Variants in IFNAR1 observed in about 807,000 individuals in gnomAD.
The protein encoded by IFNAR1 is interferon alpha/beta receptor 1.
Under a neutral mutation model 62.1 loss-of-function variants are expected in IFNAR1, and 47 were observed. That is an observed-to-expected ratio of 0.76 (90% CI 0.60 to 0.97). The LOEUF (loss-of-function observed/expected upper bound fraction) is 0.97, where lower values mean the gene tolerates loss of function less well. Among genes scored for constraint, IFNAR1 ranks in the 50% least tolerant of loss-of-function variants. IFNAR1 has a pLI of 0.00. For missense variants in IFNAR1, 638 were observed against 654.5 expected (o/e 0.97, Z 0.27); for synonymous variants, 219 against 226.9 (o/e 0.97, Z 0.31).
intron 1 of IFNAR1, among the ~76,000 whole-genome samples, chr21:33,331,914 TGCCAGGAAGCACCTCCA>T (rs2123659831): frequency 6.6e-6 from 1 of 152,288 alleles, no homozygotes; most frequent in Admixed American, 6.5e-5. Context: ...GGGCCTAAGC[TGCCAGGAAGCACCTCCA>T]GGTCACAAAT....
intron 2 of IFNAR1, among the ~76,000 whole-genome samples, chr21:33,337,750 A>T (rs2083255545): frequency 6.6e-6 from 1 of 152,110 alleles, no homozygotes; most frequent in South Asian, 2.1e-4. Context: ...ATACATACAT[A>T]TACACACTAT....
intron 1 of IFNAR1, among the ~76,000 whole-genome samples, chr21:33,328,544 A>G (rs1194965864): frequency 6.6e-6 from 1 of 152,220 alleles, no homozygotes; most frequent in Non-Finnish European, 1.5e-5. Flanking sequence ...TGAAAACTCA[A>G]GACCTTAAGT....
chr21:33,336,504 C>T (rs1309117139), intron 2 of IFNAR1, among the ~76,000 whole-genome samples: 1 of 150,674 alleles, frequency 6.6e-6, no homozygotes, highest in Admixed American at 6.6e-5. Context: ...GCCACACTGA[C>T]TTCCACAATG....
chr21:33,330,287 A>G (rs1212405000), intron 1 of IFNAR1, among the ~76,000 whole-genome samples: 1 of 152,162 alleles, frequency 6.6e-6, no homozygotes, highest in African/African-American at 2.4e-5. Context: ...ACTCATTGTT[A>G]CAACCCCCTC....
intron 2 of IFNAR1, 87 bp downstream of exon 2, chr21:33,335,734 T>G (rs1261944828): frequency 1.7e-6 from 2 of 1,150,800 alleles, no homozygotes; most frequent in Non-Finnish European, 1.2e-6. Context: ...ATTTGGAAAG[T>G]GTTTGGTTTT....
intron 2 of IFNAR1, among the ~76,000 whole-genome samples, chr21:33,336,515 G>GAA: frequency 6.6e-6 from 1 of 150,950 alleles, no homozygotes; most frequent in East Asian, 2.0e-4. Flanking sequence ...TTCCACAATG[G>GAA]TTGAACTAGT....
chr21:33,357,423 A>G lies in IFNAR1; in HGVS notation c.*1874A>G, dbSNP rs1010786770. Reference sequence around the variant, plus strand: ...GCCGCCTGGCTTCTGGAGTGCTTCAAGCAGAGCATGGTGGGTCATTGAGGA... The same window carrying G: ...GCCGCCTGGCTTCTGGAGTGCTTCAGGCAGAGCATGGTGGGTCATTGAGGA... On this transcript the variant is annotated 3_prime_UTR_variant, in exon 11 of 11. Transcript: ENST00000270139. The G allele has an allele frequency of 2.0e-5, 3 of 152,220 alleles. No homozygotes were observed. In the East Asian group the frequency reaches 5.8e-4, roughly 29 times the overall value. 9.4% of individuals were successfully genotyped at this position (152,220 alleles called of 1,614,324 possible).
Position 33,343,264 on chromosome 21 carries a change from G to C in IFNAR1, c.377-4G>C, listed in dbSNP as rs746931314. The stretch of plus-strand genomic sequence containing the variant: ...CCATAGTAATTGTTTTGATTTTTTT[G>C]CAGCTCAGATTGGTCCTCCAGAAGT... On this transcript the variant is annotated splice_region_variant and splice_polypyrimidine_tract_variant and intron_variant, in intron 3 of 10. Transcript: ENST00000270139. 1 of 1,604,022 alleles carries C rather than the reference G, an allele frequency of 6.2e-7. No homozygotes were observed. The highest frequency in any genetic ancestry group is 1.1e-5 in the South Asian group (1 of 88,956).
At position 33,341,049 on chromosome 21, in the gene IFNAR1, G is replaced by T. The variant is rs763681795; in HGVS notation, c.251G>T (p.Ser84Ile). The part of the protein sequence containing the change: ...IKLSGCQNIT[S>I]TKCNFSSLKL... Reference sequence around the variant, plus strand: ...TTGTCTGGGTGTCAGAATATTACTAGTACCAAATGCAACTTTTCTTCACTC... The same window carrying T: ...TTGTCTGGGTGTCAGAATATTACTATTACCAAATGCAACTTTTCTTCACTC... Residue 84 changes from serine (S) to isoleucine (I), a missense_variant, in exon 3 of 11, where the codon AGT becomes ATT. Transcript: ENST00000270139. 6.2e-7 allele frequency: 1 copy of T among 1,612,528 alleles called. No individual in the cohort carries two copies. The highest frequency in any genetic ancestry group is 1.1e-5 in the South Asian group (1 of 91,048).
chr21:33,345,216 G>T lies in IFNAR1; in HGVS notation c.674-30G>T, dbSNP rs779613376. The T allele has an allele frequency of 9.4e-5, 101 of 1,069,592 alleles. No homozygotes were observed. In the East Asian group the frequency reaches 2.3e-3, roughly 24 times the overall value. 66.3% of individuals were successfully genotyped at this position (1,069,592 alleles called of 1,614,324 possible). A position where few individuals can be genotyped will look rare whatever the true frequency, so the allele number is the denominator to read the frequency against. On this transcript the variant is annotated intron_variant, in intron 5 of 10. Transcript: ENST00000270139. ...TTATCTCACTTGAGTAAAAATGTGT[G>T]CTTTTTTTTATCTGTTCTTTGGCTT...
intron 5 of IFNAR1, 28 bp from the exon 6 acceptor site, chr21:33,345,218 T>C (rs780788352): frequency 1.8e-6 from 2 of 1,112,434 alleles, no homozygotes; most frequent in Non-Finnish European, 2.7e-6. Context: ...AAATGTGTGC[T>C]TTTTTTTATC....
chr21:33,325,508 G>A (rs572932093), intron 1 of IFNAR1, among the ~76,000 whole-genome samples: 2 of 152,328 alleles, frequency 1.3e-5, no homozygotes, highest in Admixed American at 6.5e-5. Flanking sequence ...TGGTGAATAG[G>A]CGCCCAGTCC....
chr21:33,325,032 G>A lies in IFNAR1; in HGVS notation c.-24G>A, dbSNP rs1188336635. On this transcript the variant is annotated 5_prime_UTR_variant, in exon 1 of 11. Transcript: ENST00000270139. ...GCTGCGCGTGCGCGAACATGTAACT[G>A]GTGGGATCTGCGGCGGCTCCCAGAT... 2 of 1,576,952 alleles carry A rather than the reference G, an allele frequency of 1.3e-6. No homozygotes were observed.
chr21:33,327,502 G>C (rs577408829), intron 1 of IFNAR1, among the ~76,000 whole-genome samples: 13 of 152,328 alleles, frequency 8.5e-5, no homozygotes, highest in African/African-American at 2.9e-4. Context: ...AGGCCAGTCC[G>C]TGGAGGAGTG....
At chr21:33,346,890 GTAAC>G (rs1310233889) in intron 6 of IFNAR1, among the ~76,000 whole-genome samples, 1 of 152,162 alleles carries the variant, frequency 6.6e-6, no homozygotes, top group Non-Finnish European at 1.5e-5. Context: ...TTCTGTGTCT[GTAAC>G]TAATTACCAC....
At chr21:33,342,278 G>T (rs917587286) in intron 3 of IFNAR1, among the ~76,000 whole-genome samples, 2 of 152,084 alleles carry the variant, frequency 1.3e-5, no homozygotes, top group African/African-American at 2.4e-5. Context: ...AGGCATGGTG[G>T]TGCACACCTG....
chr21:33,331,835 C>A (rs2083183992), intron 1 of IFNAR1, among the ~76,000 whole-genome samples: 1 of 152,166 alleles, frequency 6.6e-6, no homozygotes, highest in Non-Finnish European at 1.5e-5. Flanking sequence ...AGAACCCCTT[C>A]TTTATAGTCA....
chr21:33,343,101 C>G (rs1356335150), intron 3 of IFNAR1, among the ~76,000 whole-genome samples, 167 bp from the exon 4 acceptor site: 1 of 152,236 alleles, frequency 6.6e-6, no homozygotes, highest in Non-Finnish European at 1.5e-5. Flanking sequence ...AACCTCTTCT[C>G]TTTCTGTATC....
upstream of IFNAR1, chr21:33,324,868 G>A (rs894104939): frequency 3.5e-6 from 2 of 567,480 alleles, no homozygotes; most frequent in African/African-American, 1.9e-5. Flanking sequence ...CGTGCGTGGA[G>A]GAACGGCGCG....
Sources: gnomAD v4.1 joint callset for allele counts (sites outside exome capture counted in the v4.1 genomes callset) on GRCh38, gnomAD v4.1.1 for gene constraint, MANE v1.5 for transcripts, NCBI Gene and HGNC (gene_info 2026-07-23, HGNC 2026-07-21) for gene names.